Variants in TMEM45A observed in about 807,000 individuals in gnomAD.
TMEM45A encodes the protein transmembrane protein 45A, also known as DNA polymerase-transactivated protein 4.
In TMEM45A, 25 loss-of-function variants were observed where a neutral mutation model predicts 32.0. That is an observed-to-expected ratio of 0.78 (90% confidence interval 0.57 to 1.09). The LOEUF (loss-of-function observed/expected upper bound fraction) is 1.09, where lower values mean the gene tolerates loss of function less well. Ranked by LOEUF, TMEM45A falls within the 50% of genes least tolerant of loss-of-function variation. The pLI, the probability that TMEM45A is intolerant of heterozygous loss-of-function variation, is 0.00. For missense variants in TMEM45A, 302 were observed against 325.0 expected, an observed-to-expected ratio of 0.93 and a Z score of 0.54; for synonymous variants, 122 against 114.8, an observed-to-expected ratio of 1.06 and a Z score of -0.40.
Position 100,568,076 on chromosome 3 carries a change from C to T in TMEM45A, c.589-746C>T, listed in dbSNP as rs568078785. ...CTGAGATTACAGGCGTGAGCCACCACGCCTGGCCAGAACTGTTTTCTTAAT... is the reference window on the plus strand; with the variant it reads ...CTGAGATTACAGGCGTGAGCCACCATGCCTGGCCAGAACTGTTTTCTTAAT... On this transcript the variant is annotated intron_variant, in intron 4 of 5. Transcript: ENST00000323523. 5.9e-5 allele frequency among the ~76,000 whole-genome samples: 9 copies of T among 152,290 alleles called. No homozygotes were observed. In the East Asian group the frequency reaches 1.3e-3, roughly 23 times the overall value.
At position 100,561,362 on chromosome 3, in the gene TMEM45A, G is replaced by A. The variant is rs551983653; in HGVS notation, c.588+2773G>A. On this transcript the variant is annotated intron_variant, in intron 4 of 5. Transcript: ENST00000323523. ...ATATGTTAATACTTGTGCATGAACT[G>A]TGTATAGAGGGATTAGATAAAACAT... Among the ~76,000 whole-genome samples, 172 of 152,256 alleles carry A rather than the reference G, an allele frequency of 1.1e-3. 1 individual carries two copies. Among genetic ancestry groups the A allele is most frequent in the African/African-American group, 4.0e-3 (168 of 41,536 alleles).
At chr3:100,547,181 G>C (rs1186453107) in intron 1 of TMEM45A, among the ~76,000 whole-genome samples, 2 of 152,026 alleles carry the variant, frequency 1.3e-5, no homozygotes, top group Non-Finnish European at 2.9e-5. Flanking sequence ...GAGTGCAGTG[G>C]TACGATCTTG....
rs1428065735 is a variant in TMEM45A at position 100,555,333 on chromosome 3, G to C, written c.122G>C (p.Gly41Ala). 6.2e-7 allele frequency: 1 copy of C among 1,613,868 alleles called. No individual in the cohort carries two copies. Among genetic ancestry groups the C allele is most frequent in the Admixed American group, 1.7e-5 (1 of 60,000 alleles). ...CKKQKRTCYL[G>A]SKTLFYRLEI... ...AAGCAAAAGCGAACCTGCTATCTTG[G>C]TTCCAAAACATTATTCTATCGATTG... is the stretch of plus-strand genomic sequence containing the variant. Residue 41 changes from glycine to alanine, a missense_variant, in exon 2 of 6, where the codon GGT (glycine) becomes GCT (alanine). Coordinates refer to ENST00000323523, the MANE Select transcript of TMEM45A (RefSeq NM_018004.3).
Position 100,511,400 on chromosome 3 carries a change from A to C in TMEM45A, c.-4+18472A>C, listed in dbSNP as rs1364295634. Among the ~76,000 whole-genome samples, 152 of 151,188 alleles carry C rather than the reference A, an allele frequency of 1.0e-3. 3 individuals carry two copies. The highest frequency in any genetic ancestry group is 3.1e-4 in the Non-Finnish European group (21 of 67,192). On this transcript the variant is annotated intron_variant, in intron 1 of 5. Coordinates refer to ENST00000323523, the MANE Select transcript of TMEM45A (RefSeq NM_018004.3). ...GCTTCATAAGTGAAGGAGAAATAAA[A>C]TCCTTTACAGACAAGCAAATGCTGA... is the stretch of plus-strand genomic sequence containing the variant.
At chr3:100,554,045 T>C (rs1267206993) in intron 1 of TMEM45A, among the ~76,000 whole-genome samples, 1 of 152,226 alleles carries the variant, frequency 6.6e-6, no homozygotes, top group Non-Finnish European at 1.5e-5. Flanking sequence ...TCTCCTTTCA[T>C]GAGTTTCCTT....
chr3:100,534,635 A>G (rs1705707574), intron 1 of TMEM45A, among the ~76,000 whole-genome samples: 1 of 152,012 alleles, frequency 6.6e-6, no homozygotes, highest in African/African-American at 2.4e-5. Context: ...CAGACTTCTG[A>G]CCTCTAGAAC....
At chr3:100,522,813 A>T (rs1367326986) in intron 1 of TMEM45A, among the ~76,000 whole-genome samples, 1 of 152,164 alleles carries the variant, frequency 6.6e-6, no homozygotes, top group Admixed American at 6.5e-5. Flanking sequence ...ATAGACCACA[A>T]TCTCAAGGTG....
chr3:100,519,487 C>G (rs549242032), intron 1 of TMEM45A: 2 of 1,431,726 alleles, frequency 1.4e-6, no homozygotes, highest in South Asian at 1.3e-5. Context: ...ACCTAAGAAG[C>G]AAAGGCTCAA....
At chr3:100,527,720 C>T (rs941919243) in intron 1 of TMEM45A, among the ~76,000 whole-genome samples, 3 of 152,056 alleles carry the variant, frequency 2.0e-5, no homozygotes, top group Non-Finnish European at 2.9e-5. Context: ...CAACTTTGGC[C>T]GAGGAATCTT....
intron 1 of TMEM45A, among the ~76,000 whole-genome samples, 192 bp downstream of exon 1, chr3:100,493,120 C>CTTTTTT (rs570241165): frequency 1.2e-3 from 135 of 115,812 alleles, no homozygotes; most frequent in African/African-American, 1.7e-3. Context: ...GTTTGCTATT[C>CTTTTTT]TTTTTTTTTT....
At chr3:100,570,820 C>T (rs1402778581) in intron 5 of TMEM45A, 1 of 152,248 alleles carries the variant, frequency 6.6e-6, no homozygotes, top group Admixed American at 6.5e-5. Context: ...TATTTTCCAA[C>T]CTTCCCCTCT....
At chr3:100,542,001 C>T (rs537886524) in intron 1 of TMEM45A, among the ~76,000 whole-genome samples, 38 of 152,034 alleles carry the variant, frequency 2.5e-4, no homozygotes, top group Middle Eastern at 6.8e-3. Flanking sequence ...TTTGTTCCAT[C>T]GGTCTATGTG....
chr3:100,573,874 T>C (rs1706626014), intron 5 of TMEM45A: 3 of 152,262 alleles, frequency 2.0e-5, no homozygotes, highest in Admixed American at 2.0e-4. Context: ...GTTTTTGTCG[T>C]TGGTTCTGTT....
At chr3:100,514,752 T>C (rs1708231675) in intron 1 of TMEM45A, among the ~76,000 whole-genome samples, 1 of 152,002 alleles carries the variant, frequency 6.6e-6, no homozygotes, top group Middle Eastern at 3.2e-3. Context: ...ATATCCAGAA[T>C]CTACAATGAA....
At chr3:100,572,676 A>G (rs1162407988) in intron 5 of TMEM45A, 1 of 152,052 alleles carries the variant, frequency 6.6e-6, no homozygotes, top group Non-Finnish European at 1.5e-5. Flanking sequence ...GTCCTTGCCC[A>G]TGCCTATGTC....
chr3:100,560,437 A>G (rs956793811), intron 4 of TMEM45A, among the ~76,000 whole-genome samples: 7 of 152,144 alleles, frequency 4.6e-5, no homozygotes, highest in Non-Finnish European at 8.8e-5. Flanking sequence ...ACTGTTGGGT[A>G]ATTTTGAATG....
chr3:100,526,422 T>C (rs910005579), intron 1 of TMEM45A, among the ~76,000 whole-genome samples: 1 of 152,206 alleles, frequency 6.6e-6, no homozygotes. Context: ...TAAGGGCCAC[T>C]ACCTCCCAGG....
At chr3:100,562,163 A>G (rs1359988421) in intron 4 of TMEM45A, among the ~76,000 whole-genome samples, 1 of 152,072 alleles carries the variant, frequency 6.6e-6, no homozygotes, top group Non-Finnish European at 1.5e-5. Flanking sequence ...TCGAAACCAG[A>G]TGTTCAGGAA....
At position 100,568,880 on chromosome 3, in the gene TMEM45A, A is replaced by G. The variant is rs150599068; in HGVS notation, c.647A>G (p.Glu216Gly). 1 of 1,613,980 alleles carries G rather than the reference A, an allele frequency of 6.2e-7. No individual in the cohort carries two copies. The highest frequency in any genetic ancestry group is 1.1e-5 in the South Asian group (1 of 91,060). ...GGPAWDLMDH[E>G]NILFLTICFC... Reference sequence around the variant, plus strand: ...CCTGCATGGGATCTGATGGATCATGAAAATATTTTGTTTCTCACCATATGC... The same window carrying G: ...CCTGCATGGGATCTGATGGATCATGGAAATATTTTGTTTCTCACCATATGC... The change falls in exon 5 of 6, where the codon GAA (glutamate) becomes GGA (glycine). Residue 216 changes from glutamate (E) to glycine (G), a missense_variant. Coordinates refer to ENST00000323523, the MANE Select transcript of TMEM45A (RefSeq NM_018004.3).
Sources: allele counts gnomAD v4.1 joint callset (sites outside exome capture counted in the v4.1 genomes callset), GRCh38; gene constraint gnomAD v4.1.1; transcripts MANE v1.5; gene names NCBI Gene and HGNC (gene_info 2026-07-23, HGNC 2026-07-21).